SORCS3: variants seen among roughly 807,000 people sequenced by gnomAD.
The protein encoded by SORCS3 is VPS10 domain-containing receptor SorCS3.
Under a neutral mutation model 146.3 loss-of-function variants are expected in SORCS3, and 57 were observed. That is an observed-to-expected ratio of 0.39 (90% CI 0.31 to 0.49). SORCS3 has a LOEUF of 0.49. SORCS3 is among the 20% of genes least tolerant of loss of function. The pLI is 0.92. For missense variants in SORCS3, 1,341 were observed against 1,575.5 expected, an observed-to-expected ratio of 0.85 and a Z score of 2.52; for synonymous variants, 653 against 618.5, an observed-to-expected ratio of 1.06 and a Z score of -0.83.
chr10:104,667,935 G>A (rs1056252290), intron 1 of SORCS3, among the ~76,000 whole-genome samples: 2 of 152,150 alleles, frequency 1.3e-5, no homozygotes, highest in African/African-American at 4.8e-5. Context: ...ATGTAAGGAG[G>A]CCTCATACTT....
At position 104,916,005 on chromosome 10, in the gene SORCS3, A is replaced by G. The variant is rs558978379; in HGVS notation, c.795+73A>G. The G allele has an allele frequency of 9.2e-5, 106 of 1,150,752 alleles. 1 individual carries two copies. In the African/African-American group the frequency reaches 1.4e-3, roughly 15 times the overall value. 71.3% of individuals were successfully genotyped at this position (1,150,752 alleles called of 1,614,324 possible). A position where few individuals can be genotyped will look rare whatever the true frequency, so the allele number is the denominator to read the frequency against. On this transcript the variant is annotated intron_variant, in intron 3 of 26. Transcript: ENST00000369701. ...TGCTGATTAGGGCCAGAGGTTAAGG[A>G]AAAAACTCAGTTGTCATTGAATCAT...
chr10:105,241,018 A>G (rs2056819481), intron 20 of SORCS3, among the ~76,000 whole-genome samples: 1 of 151,900 alleles, frequency 6.6e-6, no homozygotes, highest in Non-Finnish European at 1.5e-5. Context: ...ATCTCCTACT[A>G]ATGAATTCCT....
intron 14 of SORCS3, among the ~76,000 whole-genome samples, chr10:105,193,830 A>G (rs2056530338): frequency 6.6e-6 from 1 of 152,146 alleles, no homozygotes; most frequent in Non-Finnish European, 1.5e-5. Context: ...TCAAGAGCAC[A>G]GGAAGACCAC....
At chr10:105,135,567 T>A (rs2056053508) in intron 7 of SORCS3, among the ~76,000 whole-genome samples, 1 of 152,180 alleles carries the variant, frequency 6.6e-6, no homozygotes, top group African/African-American at 2.4e-5. Flanking sequence ...TTCCAAATCT[T>A]TAAGTTCTGT....
intron 1 of SORCS3, among the ~76,000 whole-genome samples, chr10:104,834,896 G>C (rs1419693766): frequency 6.6e-6 from 1 of 151,882 alleles, no homozygotes; most frequent in African/African-American, 2.4e-5. Flanking sequence ...CTCGGTGTTT[G>C]CTTGCTATGG....
chr10:105,184,146 C>G (rs573287156), intron 14 of SORCS3, among the ~76,000 whole-genome samples: 241 of 152,314 alleles, frequency 1.6e-3, no homozygotes, highest in African/African-American at 5.7e-3. Context: ...TTGGCAGACT[C>G]CTGTAAAGGG....
intron 1 of SORCS3, among the ~76,000 whole-genome samples, chr10:104,764,796 C>T (rs765139886): frequency 2.0e-5 from 3 of 152,092 alleles, no homozygotes; most frequent in African/African-American, 7.2e-5. Flanking sequence ...GAATCAGTTC[C>T]CTAAGTAGAT....
At chr10:105,223,371 T>C (rs1215467372) in intron 20 of SORCS3, 122 bp downstream of exon 20, 1 of 970,764 alleles carries the variant, frequency 1.0e-6, no homozygotes, top group Non-Finnish European at 1.4e-6. Context: ...AATAAACCTA[T>C]GAGCCCACAA....
rs557431553 is a variant in SORCS3, at chr10:105,227,751, T to C, written c.2868+4502T>C. On this transcript the variant is annotated intron_variant, in intron 20 of 26. Transcript: ENST00000369701. The stretch of plus-strand genomic sequence containing the variant: ...TATTGGGTGCATATATGTTTAGAAT[T>C]ATGATATCTTCTTGCTGAATTGATC... Among the ~76,000 whole-genome samples the C allele has an allele frequency of 7.2e-5, 11 of 152,214 alleles. 1 individual carries two copies. The South Asian group carries it at 2.3e-3, about 32-fold the overall frequency.
chr10:104,760,819 C>T (rs562580792), intron 1 of SORCS3, among the ~76,000 whole-genome samples: 4 of 152,034 alleles, frequency 2.6e-5, no homozygotes, highest in Non-Finnish European at 4.4e-5. Context: ...TTAAATATCA[C>T]AGTAAGCCTG....
intron 3 of SORCS3, among the ~76,000 whole-genome samples, chr10:104,919,172 G>C (rs1349964919): frequency 3.9e-5 from 6 of 152,126 alleles, no homozygotes; most frequent in Admixed American, 1.3e-4. Context: ...CAGGCAGTGG[G>C]CTCTCAGGAG....
chr10:104,822,141 C>T (rs1434166584), intron 1 of SORCS3: 2 of 516,910 alleles, frequency 3.9e-6, no homozygotes, highest in Non-Finnish European at 7.7e-6. Flanking sequence ...TCTGATCTGT[C>T]CTCAGTTTCT....
intron 12 of SORCS3, among the ~76,000 whole-genome samples, chr10:105,165,282 A>G (rs1252464394): frequency 1.3e-5 from 2 of 152,310 alleles, no homozygotes; most frequent in African/African-American, 4.8e-5. Flanking sequence ...TAGCATACAA[A>G]GAAAAGAGAC....
intron 1 of SORCS3, among the ~76,000 whole-genome samples, chr10:104,805,923 G>A (rs981813368): frequency 1.1e-4 from 17 of 151,744 alleles, no homozygotes; most frequent in African/African-American, 2.7e-4. Context: ...TGTGTAAGTC[G>A]TAGTATTTTG....
At chr10:104,837,781 T>G (rs2018087588) in intron 1 of SORCS3, among the ~76,000 whole-genome samples, 1 of 152,226 alleles carries the variant, frequency 6.6e-6, no homozygotes, top group Admixed American at 6.5e-5. Context: ...AATTCATGAA[T>G]GAATGATAAA....
chr10:105,176,824 C>T (rs1035560296), intron 13 of SORCS3, among the ~76,000 whole-genome samples: 2 of 151,902 alleles, frequency 1.3e-5, no homozygotes, highest in Non-Finnish European at 2.9e-5. Flanking sequence ...CACTGCACTC[C>T]AGCCTGGCAA....
intron 4 of SORCS3, among the ~76,000 whole-genome samples, chr10:105,023,538 G>T (rs1589598525): frequency 6.6e-6 from 1 of 152,182 alleles, no homozygotes; most frequent in Non-Finnish European, 1.5e-5. Context: ...TGGCAGAGCA[G>T]TGGTTTTTTT....
intron 14 of SORCS3, among the ~76,000 whole-genome samples, chr10:105,182,230 C>CTTTTTTTTTTGT (rs2056446880): frequency 1.4e-5 from 1 of 70,486 alleles, no homozygotes; most frequent in Non-Finnish European, 2.7e-5. Flanking sequence ...TATTCAGCAT[C>CTTTTTTTTTTGT]TTTTTTTTTT....
intron 14 of SORCS3, among the ~76,000 whole-genome samples, chr10:105,184,359 G>A (rs919304763): frequency 1.3e-5 from 2 of 152,136 alleles, no homozygotes; most frequent in African/African-American, 4.8e-5. Context: ...TTCTTCACTT[G>A]CTTTTCCCCC....
Sources: allele counts gnomAD v4.1 joint callset (sites outside exome capture counted in the v4.1 genomes callset), GRCh38; gene constraint gnomAD v4.1.1; transcripts MANE v1.5; gene names NCBI Gene and HGNC (gene_info 2026-07-23, HGNC 2026-07-21).